The following SCCPDH variants were observed in gnomAD, a reference collection of about 807,000 sequenced individuals.
SCCPDH encodes saccharopine dehydrogenase-like oxidoreductase.
SCCPDH carries 34 observed loss-of-function variants against 51.5 expected under a neutral mutation model. The ratio of observed to expected loss-of-function variants is 0.66; its 90% CI spans 0.50 to 0.88. SCCPDH has a LOEUF of 0.88. SCCPDH is among the 40% of genes least tolerant of loss of function. SCCPDH has a pLI of 0.00. For missense variants in SCCPDH, 464 were observed against 527.1 expected (o/e 0.88, Z 1.17); for synonymous variants, 187 against 191.3 (o/e 0.98, Z 0.19).
At chr1:246,737,499 A>AAC (rs1668613318) in intron 3 of SCCPDH, among the ~76,000 whole-genome samples, 1 of 152,102 alleles carries the variant, frequency 6.6e-6, no homozygotes, top group Non-Finnish European at 1.5e-5. Flanking sequence ...CAAAAACAAA[A>AAC]AACAATTCCC....
At chr1:246,766,222 G>C in intron 11 of SCCPDH, 83 bp downstream of exon 11, 4 of 975,332 alleles carry the variant, frequency 4.1e-6, no homozygotes, top group Non-Finnish European at 4.7e-6. Flanking sequence ...TTCAGGCTTT[G>C]GGTTTGCATG....
rs951701520 is a variant in SCCPDH at position 246,724,567 on chromosome 1, C to T, written c.145C>T (p.Arg49Trp). The T allele has an allele frequency of 2.3e-5, 36 of 1,534,906 alleles. No homozygotes were observed. Among genetic ancestry groups the T allele is most frequent in the Non-Finnish European group, 3.1e-5 (36 of 1,143,502 alleles). Residue 49 changes from arginine (R) to tryptophan (W), a missense_variant, in exon 1 of 12, where the codon CGG becomes TGG. Transcript: ENST00000366510. Reference protein sequence around the residue: ...RLPWAVAGRSREKLQRVLEKA... With the variant: ...RLPWAVAGRSWEKLQRVLEKA... ...GCCCTGGGCCGTGGCGGGCCGCTCC[C>T]GGGAGAAGCTGCAGCGGGTGCTGGA...
chr1:246,730,253 A>T (rs1023216945), intron 2 of SCCPDH, among the ~76,000 whole-genome samples: 32 of 152,146 alleles, frequency 2.1e-4, no homozygotes, highest in Admixed American at 2.1e-3. Context: ...TCCAGTCTTC[A>T]TCTGAAAGCT....
chr1:246,732,091 G>A (rs1266056785), intron 2 of SCCPDH, among the ~76,000 whole-genome samples: 4 of 152,090 alleles, frequency 2.6e-5, no homozygotes, highest in African/African-American at 4.8e-5. Context: ...TATGTGCCAC[G>A]TTTTCTTAAT....
At chr1:246,743,935 G>C (rs967465860) in intron 4 of SCCPDH, 141 bp from the exon 5 acceptor site, 2 of 549,704 alleles carry the variant, frequency 3.6e-6, no homozygotes, top group African/African-American at 1.9e-5. Flanking sequence ...TAATAAAACT[G>C]TTGTCTGTAC....
chr1:246,735,728 C>T (rs575001372), intron 2 of SCCPDH, among the ~76,000 whole-genome samples: 9 of 152,284 alleles, frequency 5.9e-5, no homozygotes, highest in African/African-American at 2.2e-4. Flanking sequence ...GATGGGGTTT[C>T]ACCATGTTGG....
chr1:246,740,148 A>C, intron 3 of SCCPDH, 24 bp from the exon 4 acceptor site: 4 of 1,543,250 alleles, frequency 2.6e-6, no homozygotes, highest in Non-Finnish European at 2.6e-6. Flanking sequence ...TAACTAATTA[A>C]AATTCTTATC....
At chr1:246,737,972 G>C (rs1668622975) in intron 3 of SCCPDH, among the ~76,000 whole-genome samples, 1 of 152,080 alleles carries the variant, frequency 6.6e-6, no homozygotes, top group African/African-American at 2.4e-5. Flanking sequence ...AAAGTGGGTG[G>C]ATCACTTGAG....
At chr1:246,754,695 G>A (rs1255163754) in intron 5 of SCCPDH, among the ~76,000 whole-genome samples, 1 of 152,188 alleles carries the variant, frequency 6.6e-6, no homozygotes, top group Non-Finnish European at 1.5e-5. Flanking sequence ...GAGCAGACAT[G>A]TGTCCGTTTC....
Position 246,758,590 on chromosome 1 carries a change from T to C in SCCPDH, c.695+234T>C, listed in dbSNP as rs565223005. Among the ~76,000 whole-genome samples, 10 of 152,308 alleles carry C rather than the reference T, an allele frequency of 6.6e-5. No individual in the cohort carries two copies. In the East Asian group the frequency reaches 1.7e-3, roughly 26 times the overall value. ...AGATAAATAAGACATAATTAATCCA[T>C]TACCATAAGCTTAAGTACTTCGTGT... On this transcript the variant is annotated intron_variant, in intron 6 of 11. Transcript: ENST00000366510.
chr1:246,752,795 T>C (rs1335761775), intron 5 of SCCPDH, among the ~76,000 whole-genome samples: 3 of 152,200 alleles, frequency 2.0e-5, no homozygotes, highest in Non-Finnish European at 4.4e-5. Flanking sequence ...AATCTCTCTC[T>C]GATAAGTTTG....
At chr1:246,726,794 A>G (rs1306262066) in intron 1 of SCCPDH, 98 bp from the exon 2 acceptor site, 4 of 782,424 alleles carry the variant, frequency 5.1e-6, no homozygotes, top group Non-Finnish European at 8.6e-6. Flanking sequence ...ATATCAGTGT[A>G]TTTAGTAATT....
chr1:246,727,316 C>T (rs943866608), intron 2 of SCCPDH, among the ~76,000 whole-genome samples: 1 of 151,964 alleles, frequency 6.6e-6, no homozygotes, highest in Non-Finnish European at 1.5e-5. Context: ...AGTGTGTCTC[C>T]CTAGTATATT....
At chr1:246,733,793 G>A (rs775351680) in intron 2 of SCCPDH, among the ~76,000 whole-genome samples, 3 of 152,122 alleles carry the variant, frequency 2.0e-5, no homozygotes, top group Non-Finnish European at 4.4e-5. Context: ...GAGAAAATCA[G>A]GGGGAAGAGA....
intron 3 of SCCPDH, among the ~76,000 whole-genome samples, chr1:246,737,008 A>T (rs1456359827): frequency 6.6e-6 from 1 of 152,200 alleles, no homozygotes; most frequent in African/African-American, 2.4e-5. Context: ...TAGGTCTTCA[A>T]TTGAGGTTTG....
chr1:246,726,201 C>G (rs1373964814), intron 1 of SCCPDH, among the ~76,000 whole-genome samples: 2 of 152,156 alleles, frequency 1.3e-5, no homozygotes, highest in Non-Finnish European at 2.9e-5. Flanking sequence ...TCTCCATCAC[C>G]TACAATTGGA....
intron 1 of SCCPDH, among the ~76,000 whole-genome samples, chr1:246,726,398 A>T (rs1181846037): frequency 6.7e-6 from 1 of 149,170 alleles, no homozygotes; most frequent in African/African-American, 2.6e-5. Flanking sequence ...ACCATGTCAG[A>T]TAATTTTTTT....
intron 5 of SCCPDH, among the ~76,000 whole-genome samples, chr1:246,753,003 T>C (rs1461221114): frequency 6.6e-6 from 1 of 151,832 alleles, no homozygotes; most frequent in Non-Finnish European, 1.5e-5. Flanking sequence ...CTCTGTCTCT[T>C]TCTCTCTCTT....
At chr1:246,763,561 G>A (rs2102991420) in intron 9 of SCCPDH, among the ~76,000 whole-genome samples, 1 of 152,190 alleles carries the variant, frequency 6.6e-6, no homozygotes, top group Admixed American at 6.5e-5. Flanking sequence ...ATTGCCCTCT[G>A]CCCTGGTAGA....
Sources: gnomAD v4.1 joint callset for allele counts (sites outside exome capture counted in the v4.1 genomes callset) on GRCh38, gnomAD v4.1.1 for gene constraint, MANE v1.5 for transcripts, NCBI Gene and HGNC (gene_info 2026-07-23, HGNC 2026-07-21) for gene names.